Variants in ROBO2 observed in about 807,000 individuals in gnomAD.
ROBO2 encodes roundabout guidance receptor 2.
A neutral mutation model predicts 160.8 loss-of-function variants in ROBO2; 53 were observed. That is an observed-to-expected ratio of 0.33 (90% CI 0.26 to 0.41). ROBO2 has a LOEUF of 0.41. Ranked by LOEUF, ROBO2 falls within the 10% of genes least tolerant of loss-of-function variation. ROBO2 has a pLI of 1.00. For synonymous variants in ROBO2, 664 were observed against 611.7 expected (o/e 1.09, Z -1.26); for missense variants, 1,577 against 1,722.4 (o/e 0.92, Z 1.49).
chr3:76,085,036 A>G (rs1343793662), intron 2 of ROBO2, among the ~76,000 whole-genome samples: 5 of 151,954 alleles, frequency 3.3e-5, no homozygotes, highest in African/African-American at 4.8e-5. Context: ...AATGCTGACT[A>G]TTCTTGTGCT....
At chr3:75,999,051 T>C (rs2065808853) in intron 2 of ROBO2, among the ~76,000 whole-genome samples, 1 of 152,198 alleles carries the variant, frequency 6.6e-6, no homozygotes, top group African/African-American at 2.4e-5. Flanking sequence ...TAGTGAATAG[T>C]CAAACAGCTT....
chr3:76,114,144 A>T (rs1349001352), intron 2 of ROBO2, among the ~76,000 whole-genome samples: 1 of 152,150 alleles, frequency 6.6e-6, no homozygotes, highest in Non-Finnish European at 1.5e-5. Context: ...ATACCTCATG[A>T]CCTAATCACC....
chr3:77,522,837 C>T (rs760475983), exon 6 of ROBO2: 2 of 1,609,534 alleles, frequency 1.2e-6, no homozygotes, highest in Admixed American at 1.7e-5. Context: ...GATGAAGGCA[C>T]CTATATGTGT....
At chr3:76,750,871 A>C (rs76641311) in intron 2 of ROBO2, among the ~76,000 whole-genome samples, 99,974 of 151,846 alleles carry the variant, frequency 0.66, 33,182 homozygotes, top group African/African-American at 0.74. Flanking sequence ...CCATACTGCC[A>C]AAGGTAATTT....
chr3:77,054,677 G>A (rs1007212154), intron 1 of ROBO2, among the ~76,000 whole-genome samples: 3 of 152,140 alleles, frequency 2.0e-5, no homozygotes, highest in Non-Finnish European at 4.4e-5. Flanking sequence ...CCTGATGTAA[G>A]AGAGTGATAG....
At chr3:76,575,867 G>C (rs1468675279) in intron 2 of ROBO2, among the ~76,000 whole-genome samples, 3 of 152,202 alleles carry the variant, frequency 2.0e-5, no homozygotes, top group African/African-American at 4.8e-5. Context: ...GAGAGAGAGA[G>C]AGGATTTTAG....
chr3:76,445,668 A>G (rs539130833), intron 2 of ROBO2, among the ~76,000 whole-genome samples: 4 of 152,212 alleles, frequency 2.6e-5, no homozygotes, highest in African/African-American at 7.2e-5. Flanking sequence ...GAGTCCAGCA[A>G]CTCATCAAAA....
intron 2 of ROBO2, among the ~76,000 whole-genome samples, chr3:76,870,617 G>C (rs921845048): frequency 2.0e-5 from 3 of 152,142 alleles, no homozygotes; most frequent in Non-Finnish European, 4.4e-5. Flanking sequence ...TGGTTACCCA[G>C]AGTCCAGGAG....
chr3:77,469,358 A>AT (rs1327622565), intron 2 of ROBO2, among the ~76,000 whole-genome samples: 1 of 152,088 alleles, frequency 6.6e-6, no homozygotes, highest in African/African-American at 2.4e-5. Flanking sequence ...GCTGCCACCT[A>AT]TAGCCATGTA....
At chr3:76,903,808 T>C (rs547189989) in intron 2 of ROBO2, among the ~76,000 whole-genome samples, 5 of 152,322 alleles carry the variant, frequency 3.3e-5, no homozygotes, top group South Asian at 2.1e-4. Context: ...TCTACCCTTG[T>C]TCTCCCATTA....
At chr3:76,205,510 C>T (rs1284662677) in intron 2 of ROBO2, among the ~76,000 whole-genome samples, 2 of 152,130 alleles carry the variant, frequency 1.3e-5, no homozygotes, top group Non-Finnish European at 2.9e-5. Flanking sequence ...TACAGCTCGT[C>T]TGTATAGAGG....
chr3:76,325,678 AC>A (rs2072954326), intron 2 of ROBO2, among the ~76,000 whole-genome samples: 1 of 152,048 alleles, frequency 6.6e-6, no homozygotes, highest in African/African-American at 2.4e-5. Context: ...TACTCGAGAT[AC>A]AGAGACAGTG....
chr3:76,897,931 A>G (rs769992132), intron 2 of ROBO2, among the ~76,000 whole-genome samples: 33 of 152,128 alleles, frequency 2.2e-4, no homozygotes, highest in Non-Finnish European at 2.9e-5. Context: ...TGTTGTTTGT[A>G]GAATTTTCTA....
intron 2 of ROBO2, among the ~76,000 whole-genome samples, chr3:75,961,189 G>A (rs1197848868): frequency 6.6e-6 from 1 of 151,448 alleles, no homozygotes; most frequent in Admixed American, 6.6e-5. Flanking sequence ...TTGGAGAATG[G>A]CACTTTTTTT....
At chr3:77,007,469 A>G (rs1464193858) in intron 2 of ROBO2, among the ~76,000 whole-genome samples, 1 of 152,010 alleles carries the variant, frequency 6.6e-6, no homozygotes, top group African/African-American at 2.4e-5. Flanking sequence ...ATATTTACAG[A>G]TCTTCTTCCT....
At chr3:77,079,118 T>C (rs2068342388) in intron 1 of ROBO2, among the ~76,000 whole-genome samples, 1 of 152,090 alleles carries the variant, frequency 6.6e-6, no homozygotes, top group Non-Finnish European at 1.5e-5. Flanking sequence ...GGCTAGTTTT[T>C]GTATTTTTAG....
chr3:77,622,495 C>A, intron 23 of ROBO2, 63 bp downstream of exon 24: 2 of 1,301,414 alleles, frequency 1.5e-6, no homozygotes, highest in South Asian at 2.4e-5. Context: ...CATCAAAAGT[C>A]AACTACTTCC....
intron 2 of ROBO2, among the ~76,000 whole-genome samples, chr3:76,787,329 C>CACACACACAA (rs1553905366): frequency 6.1e-5 from 1 of 16,510 alleles, no homozygotes; most frequent in Non-Finnish European, 3.4e-4. Flanking sequence ...GTAAACACAC[C>CACACACACAA]ACACACACAC....
At chr3:76,382,074 T>C (rs560804402) in intron 2 of ROBO2, among the ~76,000 whole-genome samples, 89 of 152,242 alleles carry the variant, frequency 5.8e-4, no homozygotes, top group African/African-American at 1.9e-3. Flanking sequence ...CAGGCTCAAG[T>C]GATCCTCCCA....
Sources: allele counts gnomAD v4.1 joint callset (sites outside exome capture counted in the v4.1 genomes callset), GRCh38; gene constraint gnomAD v4.1.1; transcripts MANE v1.5; gene names NCBI Gene and HGNC (gene_info 2026-07-23, HGNC 2026-07-21).